The following MYT1L variants were observed in gnomAD, a reference collection of about 807,000 sequenced individuals.
MYT1L encodes myelin transcription factor 1-like protein.
MYT1L carries 12 observed loss-of-function variants against 126.7 expected under a neutral mutation model. The observed-to-expected ratio is 0.09, with a 90% CI of 0.06 to 0.15. The LOEUF (loss-of-function observed/expected upper bound fraction) is 0.15. MYT1L is among the 10% of genes least tolerant of loss of function. The probability of loss-of-function intolerance (pLI) is 1.00; values close to 1 mark genes in which losing one functional copy is unlikely to be tolerated. For synonymous variants in MYT1L, 541 were observed against 604.2 expected (o/e 0.90, Z 1.53); for missense variants, 979 against 1,585.2 (o/e 0.62, Z 6.49).
chr2:1,991,575 G>A (rs370020932), intron 5 of MYT1L, among the ~76,000 whole-genome samples: 5 of 152,174 alleles, frequency 3.3e-5, no homozygotes, highest in African/African-American at 1.2e-4. Context: ...CACTGCGCCT[G>A]ACCTAGATCC....
chr2:2,163,855 G>A (rs2088509692), intron 3 of MYT1L, among the ~76,000 whole-genome samples: 1 of 152,108 alleles, frequency 6.6e-6, no homozygotes, highest in Non-Finnish European at 1.5e-5. Context: ...ATTGTTAGTG[G>A]TCCATGACAA....
At chr2:1,963,596 T>C (rs2059128297) in intron 8 of MYT1L, among the ~76,000 whole-genome samples, 1 of 152,252 alleles carries the variant, frequency 6.6e-6, no homozygotes, top group South Asian at 2.1e-4. Context: ...GCTACCTTCA[T>C]TAATGATCTT....
intron 8 of MYT1L, among the ~76,000 whole-genome samples, chr2:1,976,445 C>T (rs1029142259): frequency 6.6e-6 from 1 of 152,194 alleles, no homozygotes; most frequent in African/African-American, 2.4e-5. Flanking sequence ...AGTTCGAGAC[C>T]AGCCTGGCCA....
intron 4 of MYT1L, among the ~76,000 whole-genome samples, chr2:2,030,505 A>G (rs1015485484): frequency 5.3e-5 from 8 of 152,230 alleles, no homozygotes; most frequent in Non-Finnish European, 1.2e-4. Flanking sequence ...AATAAAATTG[A>G]ATGCCTATTA....
chr2:2,282,798 G>A (rs972387621), intron 2 of MYT1L, among the ~76,000 whole-genome samples: 12 of 152,202 alleles, frequency 7.9e-5, no homozygotes, highest in Admixed American at 7.9e-4. Context: ...CTTCAGGCTG[G>A]GCACAGTGGT....
chr2:2,253,524 G>C (rs1223742723), intron 2 of MYT1L, among the ~76,000 whole-genome samples: 1 of 152,234 alleles, frequency 6.6e-6, no homozygotes, highest in Non-Finnish European at 1.5e-5. Flanking sequence ...AGGAAGGATT[G>C]GGAACGTGTT....
rs532331672 is a variant in MYT1L at position 2,050,778 on chromosome 2, C to T, written c.-158+3200G>A. Reference sequence around the variant, plus strand: ...TAGCGGGACTTGGGGTTGTGTGCAACAGCTGCTGCTTTGCCGTGGCGGTGG... The same window carrying T: ...TAGCGGGACTTGGGGTTGTGTGCAATAGCTGCTGCTTTGCCGTGGCGGTGG... On this transcript the variant is annotated intron_variant, in intron 4 of 24. Transcript: ENST00000647738. 1.5e-3 allele frequency among the ~76,000 whole-genome samples: 232 copies of T among 152,238 alleles called. 1 individual carries two copies. The highest frequency in any genetic ancestry group is 5.2e-3 in the African/African-American group (216 of 41,540).
At chr2:2,023,351 C>G (rs2065216930) in intron 4 of MYT1L, among the ~76,000 whole-genome samples, 2 of 152,202 alleles carry the variant, frequency 1.3e-5, no homozygotes, top group African/African-American at 4.8e-5. Flanking sequence ...AAGGGGGCAG[C>G]CTGTTTCCCA....
intron 9 of MYT1L, among the ~76,000 whole-genome samples, chr2:1,937,031 T>C (rs1367913325): frequency 6.6e-6 from 1 of 151,896 alleles, no homozygotes; most frequent in Non-Finnish European, 1.5e-5. Flanking sequence ...AGGTGGGGAG[T>C]GGAAACACCC....
intron 1 of MYT1L, among the ~76,000 whole-genome samples, chr2:2,285,804 C>T (rs1007595906): frequency 6.6e-6 from 1 of 152,154 alleles, no homozygotes; most frequent in Non-Finnish European, 1.5e-5. Context: ...TCATTATTTC[C>T]CTGTACATTG....
At chr2:2,044,786 CT>C (rs1425703503) in intron 4 of MYT1L, among the ~76,000 whole-genome samples, 1 of 152,172 alleles carries the variant, frequency 6.6e-6, no homozygotes, top group Admixed American at 6.5e-5. Context: ...TCTGTAGTCA[CT>C]TTAAAAATAA....
At chr2:1,965,749 C>T (rs764580952) in intron 8 of MYT1L, among the ~76,000 whole-genome samples, 11 of 152,312 alleles carry the variant, frequency 7.2e-5, no homozygotes, top group East Asian at 1.9e-4. Context: ...ATGTGGGCAC[C>T]GCGGGCTGAT....
intron 8 of MYT1L, among the ~76,000 whole-genome samples, chr2:1,972,417 G>A (rs991794929): frequency 1.3e-5 from 2 of 152,164 alleles, no homozygotes; most frequent in African/African-American, 4.8e-5. Context: ...CTATCTATGT[G>A]AAACTGGTAA....
rs540784003 is a variant in MYT1L, at chr2:2,009,209, G to A, written c.-157-11862C>T. ...TTTTTGTGGTTCTACAAACATTTTA[G>A]GATATTTTCCCAATTTCTGTGAAAA... On this transcript the variant is annotated intron_variant, in intron 4 of 24. Transcript: ENST00000647738. 3.0e-4 allele frequency among the ~76,000 whole-genome samples: 45 copies of A among 148,910 alleles called. 1 individual carries two copies. Among genetic ancestry groups the A allele is most frequent in the African/African-American group, 1.1e-3 (45 of 40,482 alleles).
intron 3 of MYT1L, among the ~76,000 whole-genome samples, chr2:2,099,679 G>A (rs1440670988): frequency 6.6e-6 from 1 of 152,152 alleles, no homozygotes; most frequent in Non-Finnish European, 1.5e-5. Context: ...TCCTAACAAA[G>A]AGTGAAAACA....
rs1246461520 is a variant in MYT1L at position 1,852,081 on chromosome 2, G to A, written c.2712-378C>T. Among the ~76,000 whole-genome samples the A allele has an allele frequency of 1.3e-5, 2 of 152,312 alleles. No homozygotes were observed. Among genetic ancestry groups the A allele is most frequent in the African/African-American group, 4.8e-5 (2 of 41,568 alleles). ...CTGCACCAGCCCACGTGGGAAGCAAGGCTCACACATGAACAGACATGCCCT... is the reference window on the plus strand; with the variant it reads ...CTGCACCAGCCCACGTGGGAAGCAAAGCTCACACATGAACAGACATGCCCT... On this transcript the variant is annotated intron_variant, in intron 18 of 24. Coordinates refer to ENST00000647738, the MANE Select transcript of MYT1L (RefSeq NM_001303052.2). The surrounding 1 kb of genome is among the most constrained non-coding windows in gnomAD (Gnocchi z 4.0).
intron 2 of MYT1L, among the ~76,000 whole-genome samples, chr2:2,277,822 C>CA (rs956226734): frequency 3.9e-5 from 6 of 152,066 alleles, no homozygotes; most frequent in Non-Finnish European, 8.8e-5. Flanking sequence ...ACGATACAGC[C>CA]AGTGTTATGG....
At chr2:2,269,137 T>A (rs999512018) in intron 2 of MYT1L, among the ~76,000 whole-genome samples, 13 of 152,204 alleles carry the variant, frequency 8.5e-5, no homozygotes, top group Non-Finnish European at 1.6e-4. Context: ...CGCTCAACAC[T>A]TTCTAAATTA....
intron 22 of MYT1L, among the ~76,000 whole-genome samples, chr2:1,808,500 G>A (rs2036078256): frequency 6.6e-6 from 1 of 152,170 alleles, no homozygotes. Flanking sequence ...GGTGGACTGT[G>A]GATGTTTCTA....
Sources: gnomAD v4.1 joint callset for allele counts (sites outside exome capture counted in the v4.1 genomes callset) on GRCh38, gnomAD v4.1.1 for gene constraint, Gnocchi (gnomAD v3.1) non-coding constraint, MANE v1.5 for transcripts, NCBI Gene and HGNC (gene_info 2026-07-23, HGNC 2026-07-21) for gene names.